The following SPAG16 variants were observed in gnomAD, a reference collection of about 807,000 sequenced individuals.
SPAG16 encodes the protein sperm associated antigen 16.
Under a neutral mutation model 80.4 loss-of-function variants are expected in SPAG16, and 86 were observed. The observed-to-expected ratio is 1.07, with a 90% confidence interval of 0.90 to 1.28. SPAG16 has a LOEUF of 1.28. Among genes scored for constraint, SPAG16 ranks in the 50% most tolerant of loss-of-function variants. The pLI is 0.00. For synonymous variants in SPAG16, 294 were observed against 265.9 expected (o/e 1.11, Z -1.03); for missense variants, 870 against 765.3 (o/e 1.14, Z -1.61).
intron 10 of SPAG16, among the ~76,000 whole-genome samples, chr2:213,558,551 C>T (rs1213987471): frequency 6.6e-6 from 1 of 151,518 alleles, no homozygotes; most frequent in Non-Finnish European, 1.5e-5. Flanking sequence ...TGTATCTGCT[C>T]AATTTTGTTG....
intron 11 of SPAG16, among the ~76,000 whole-genome samples, chr2:213,866,005 A>C (rs901530936): frequency 2.7e-5 from 4 of 150,904 alleles, no homozygotes; most frequent in African/African-American, 9.7e-5. Context: ...TCTCAATGCT[A>C]AATCAAGATG....
At chr2:213,418,842 T>G (rs1054087363) in intron 9 of SPAG16, among the ~76,000 whole-genome samples, 1 of 152,222 alleles carries the variant, frequency 6.6e-6, no homozygotes, top group African/African-American at 2.4e-5. Context: ...GATAGGCAGC[T>G]GATCATTGCT....
chr2:213,846,148 T>C (rs1184436680), intron 10 of SPAG16, among the ~76,000 whole-genome samples: 2 of 152,200 alleles, frequency 1.3e-5, no homozygotes, highest in Non-Finnish European at 2.9e-5. Context: ...CTACTGTGAT[T>C]TTTAAGATTG....
At chr2:213,726,287 T>G (rs2066766962) in intron 10 of SPAG16, among the ~76,000 whole-genome samples, 1 of 152,232 alleles carries the variant, frequency 6.6e-6, no homozygotes, top group Admixed American at 6.5e-5. Context: ...TGTCCTGCAC[T>G]GCAGAGGTTC....
At chr2:213,950,702 C>CTTTTTTTTTTTTTTTTTT (rs59353089) in intron 12 of SPAG16, among the ~76,000 whole-genome samples, 1 of 99,724 alleles carries the variant, frequency 1.0e-5, no homozygotes, top group African/African-American at 4.0e-5. Context: ...TTTTTTCTTT[C>CTTTTTTTTTTTTTTTTTT]TTTTTTTTTT....
chr2:213,494,980 T>C (rs1163812161), intron 10 of SPAG16, among the ~76,000 whole-genome samples: 1 of 152,228 alleles, frequency 6.6e-6, no homozygotes, highest in African/African-American at 2.4e-5. Context: ...TGTTACCTCC[T>C]CAGAGAGGCA....
intron 10 of SPAG16, among the ~76,000 whole-genome samples, chr2:213,817,776 CAG>C (rs941920570): frequency 6.6e-6 from 1 of 152,020 alleles, no homozygotes; most frequent in Non-Finnish European, 1.5e-5. Context: ...ACTGGGTACT[CAG>C]GGGCATAAAG....
At chr2:213,573,504 C>G (rs888986195) in intron 10 of SPAG16, among the ~76,000 whole-genome samples, 1 of 152,130 alleles carries the variant, frequency 6.6e-6, no homozygotes, top group African/African-American at 2.4e-5. Context: ...CATATAATTG[C>G]ATTTTGGTAA....
chr2:213,846,216 C>T (rs186445864), intron 10 of SPAG16, among the ~76,000 whole-genome samples: 52 of 151,908 alleles, frequency 3.4e-4, no homozygotes, highest in African/African-American at 9.7e-4. Flanking sequence ...AAGAGTTTAC[C>T]ATTGATAATC....
intron 10 of SPAG16, among the ~76,000 whole-genome samples, chr2:213,649,940 G>A (rs920829119): frequency 3.9e-5 from 6 of 152,016 alleles, no homozygotes; most frequent in Admixed American, 1.3e-4. Context: ...GCATCAGGGT[G>A]TATTCTAAAT....
At chr2:214,319,339 G>A (rs1212742811) in intron 15 of SPAG16, among the ~76,000 whole-genome samples, 1 of 152,064 alleles carries the variant, frequency 6.6e-6, no homozygotes, top group Non-Finnish European at 1.5e-5. Context: ...CAGAGAGGAG[G>A]TATGTACAGA....
intron 15 of SPAG16, among the ~76,000 whole-genome samples, chr2:214,177,967 G>GTATA (rs1215521563): frequency 5.5e-5 from 1 of 18,164 alleles, no homozygotes. Context: ...TTCACAAAGT[G>GTATA]TATGTATATA....
At chr2:213,797,222 TTTA>T (rs1037158747) in intron 10 of SPAG16, among the ~76,000 whole-genome samples, 1 of 152,136 alleles carries the variant, frequency 6.6e-6, no homozygotes, top group African/African-American at 2.4e-5. Flanking sequence ...CTAAGGTTAA[TTTA>T]TCATTGAACA....
At chr2:214,323,458 C>A (rs1696252665) in intron 15 of SPAG16, among the ~76,000 whole-genome samples, 1 of 152,018 alleles carries the variant, frequency 6.6e-6, no homozygotes, top group African/African-American at 2.4e-5. Context: ...GGAAATAGGA[C>A]ATATTTTAAC....
At chr2:213,957,753 T>C (rs768706008) in intron 12 of SPAG16, among the ~76,000 whole-genome samples, 2 of 152,236 alleles carry the variant, frequency 1.3e-5, no homozygotes, top group Non-Finnish European at 2.9e-5. Flanking sequence ...GTGTGTATTT[T>C]ATAGCTATTT....
At chr2:213,565,223 A>G (rs2059721235) in intron 10 of SPAG16, among the ~76,000 whole-genome samples, 1 of 152,202 alleles carries the variant, frequency 6.6e-6, no homozygotes, top group African/African-American at 2.4e-5. Context: ...TCCACAAGGA[A>G]TATATATTGA....
chr2:213,506,325 G>C (rs2074966593), intron 10 of SPAG16, among the ~76,000 whole-genome samples: 1 of 151,988 alleles, frequency 6.6e-6, no homozygotes, highest in African/African-American at 2.4e-5. Flanking sequence ...ATATGTGAGG[G>C]TAAACAGGAA....
chr2:213,700,232 A>T (rs2065346684), intron 10 of SPAG16, among the ~76,000 whole-genome samples: 1 of 152,006 alleles, frequency 6.6e-6, no homozygotes, highest in African/African-American at 2.4e-5. Flanking sequence ...AAAAAAAAAC[A>T]AATAATTTGT....
intron 13 of SPAG16, among the ~76,000 whole-genome samples, chr2:214,077,450 C>T (rs2051136905): frequency 6.6e-6 from 1 of 152,198 alleles, no homozygotes; most frequent in South Asian, 2.1e-4. Flanking sequence ...AGTTAAAGGC[C>T]TTATTCTCAG....
Sources: allele counts gnomAD v4.1 joint callset (sites outside exome capture counted in the v4.1 genomes callset), GRCh38; gene constraint gnomAD v4.1.1; transcripts MANE v1.5; gene names NCBI Gene and HGNC (gene_info 2026-07-23, HGNC 2026-07-21).